LIMCH1: variants seen among roughly 807,000 people sequenced by gnomAD.
The protein encoded by LIMCH1 is LIM and calponin homology domains 1, also known as LIM and calponin homology domains-containing protein 1.
In LIMCH1, 113 loss-of-function variants were observed where a neutral mutation model predicts 176.5. The ratio of observed to expected loss-of-function variants is 0.64; its 90% CI spans 0.55 to 0.75. The LOEUF (loss-of-function observed/expected upper bound fraction) is 0.75. Among genes scored for constraint, LIMCH1 ranks in the 30% least tolerant of loss-of-function variants. The pLI is 0.00. For synonymous variants in LIMCH1, 619 were observed against 645.9 expected (o/e 0.96, Z 0.63); for missense variants, 1,674 against 1,814.9 (o/e 0.92, Z 1.41).
chr4:41,432,559 A>G (rs556067751), intron 1 of LIMCH1, among the ~76,000 whole-genome samples: 2 of 152,298 alleles, frequency 1.3e-5, no homozygotes, highest in Non-Finnish European at 2.9e-5. Context: ...CTTTCTCAAT[A>G]AATTGTCCTA....
chr4:41,657,121 G>T (rs1376390711), intron 18 of LIMCH1, among the ~76,000 whole-genome samples: 5 of 152,196 alleles, frequency 3.3e-5, no homozygotes, highest in Non-Finnish European at 7.3e-5. Flanking sequence ...CTCAGTTAAG[G>T]GGAAGCCAGC....
chr4:41,676,265 T>A (rs1463000165), intron 22 of LIMCH1, 117 bp from the exon 23 acceptor site: 1 of 678,406 alleles, frequency 1.5e-6, no homozygotes, highest in Non-Finnish European at 2.6e-6. Context: ...ATATGAAGCC[T>A]TCTGCTCCTG....
At chr4:41,487,233 G>A (rs527648611) in intron 1 of LIMCH1, among the ~76,000 whole-genome samples, 1 of 152,216 alleles carries the variant, frequency 6.6e-6, no homozygotes, top group Admixed American at 6.5e-5. Context: ...ATTTTCAGTG[G>A]CTTGGTCCTT....
intron 1 of LIMCH1, among the ~76,000 whole-genome samples, chr4:41,382,936 G>A (rs1018674657): frequency 1.3e-5 from 2 of 152,108 alleles, no homozygotes; most frequent in African/African-American, 4.8e-5. Flanking sequence ...GACTACAGGT[G>A]CATGCCAGCA....
intron 1 of LIMCH1, among the ~76,000 whole-genome samples, chr4:41,423,532 C>T (rs891743384): frequency 1.3e-5 from 2 of 150,928 alleles, no homozygotes; most frequent in Admixed American, 1.3e-4. Flanking sequence ...AGGTGAGAAG[C>T]TATGGTGGTG....
At chr4:41,503,630 C>T (rs1184290833) in intron 2 of LIMCH1, among the ~76,000 whole-genome samples, 3 of 152,120 alleles carry the variant, frequency 2.0e-5, no homozygotes, top group Non-Finnish European at 4.4e-5. Flanking sequence ...CGTTTTCAGA[C>T]CTGTCCTGTC....
intron 20 of LIMCH1, among the ~76,000 whole-genome samples, chr4:41,665,199 C>T (rs940594372): frequency 1.3e-5 from 2 of 152,134 alleles, no homozygotes; most frequent in African/African-American, 4.8e-5. Context: ...CTTTATAAAG[C>T]AAAGCACCCA....
At chr4:41,659,890 A>G (rs1216010006) in intron 18 of LIMCH1, among the ~76,000 whole-genome samples, 2 of 152,234 alleles carry the variant, frequency 1.3e-5, no homozygotes, top group Admixed American at 6.5e-5. Context: ...TCTAGAGTCA[A>G]TTGGCTCCCA....
At position 41,631,180 on chromosome 4, in the gene LIMCH1, A is replaced by C; in HGVS notation, c.1304A>C (p.Glu435Ala). The change falls in exon 10 of 32, where the codon GAG becomes GCG. Residue 435 changes from glutamate (E) to alanine (A), a missense_variant. Glu to Ala is a moderately radical substitution (Grantham distance 107). This residue lies in a region of LIMCH1 where 655 missense variants were observed against 692.2 expected (regional missense o/e 0.95). Coordinates refer to ENST00000503057, the MANE Select transcript of LIMCH1 (RefSeq NM_001330672.2). ...DGDVQHICASEPSPEIKAETA... is the reference protein window; with the variant it reads ...DGDVQHICASAPSPEIKAETA... ...GATGTTCAGCACATCTGTGCTTCTG[A>C]GCCTTCCCCAGAAATTAAAGCAGAA... The C allele has an allele frequency of 6.5e-7, 1 of 1,535,156 alleles. No individual in the cohort carries two copies. Among genetic ancestry groups the C allele is most frequent in the Non-Finnish European group, 8.7e-7 (1 of 1,146,654 alleles).
chr4:41,405,195 CTT>C (rs1272201036), intron 1 of LIMCH1, among the ~76,000 whole-genome samples: 1 of 152,066 alleles, frequency 6.6e-6, no homozygotes, highest in African/African-American at 2.4e-5. Context: ...TTGGTTATAT[CTT>C]TTTCAATATT....
chr4:41,542,268 G>A (rs1240154098), intron 1 of LIMCH1, among the ~76,000 whole-genome samples: 3 of 151,958 alleles, frequency 2.0e-5, no homozygotes, highest in Non-Finnish European at 2.9e-5. Context: ...TCAGTGTATT[G>A]ATTTTATTTA....
At chr4:41,540,530 G>A (rs888540534) in intron 1 of LIMCH1, among the ~76,000 whole-genome samples, 1 of 152,190 alleles carries the variant, frequency 6.6e-6, no homozygotes, top group Non-Finnish European at 1.5e-5. Flanking sequence ...CCTGAGATCA[G>A]GCGTTCGAGA....
chr4:41,365,056 G>A (rs2052764526), intron 1 of LIMCH1, among the ~76,000 whole-genome samples: 1 of 152,200 alleles, frequency 6.6e-6, no homozygotes, highest in Non-Finnish European at 1.5e-5. Context: ...ACTTTCTGAA[G>A]AAACAGATGT....
chr4:41,496,372 C>A (rs2072140541), intron 2 of LIMCH1, among the ~76,000 whole-genome samples: 1 of 152,142 alleles, frequency 6.6e-6, no homozygotes, highest in South Asian at 2.1e-4. Context: ...CTCTCGTTTC[C>A]CCAGTGGGAC....
Position 41,699,912 on chromosome 4 carries a change from T to C in LIMCH1, c.*2727T>C, listed in dbSNP as rs1045802427. On this transcript the variant is annotated 3_prime_UTR_variant, in exon 32 of 32. Transcript: ENST00000503057. ...GGGTGGGCCAGTGTTCTATATCGGT[T>C]ATACTAACTTTCATTTAAAGTATTT... 11 of 152,228 alleles carry C rather than the reference T, an allele frequency of 7.2e-5. No individual in the cohort carries two copies. Among genetic ancestry groups the C allele is most frequent in the African/African-American group, 2.7e-4 (11 of 41,460 alleles). 9.4% of individuals were successfully genotyped at this position (152,228 alleles called of 1,614,324 possible).
intron 1 of LIMCH1, among the ~76,000 whole-genome samples, chr4:41,423,846 G>A (rs537625783): frequency 3.9e-5 from 6 of 152,132 alleles, no homozygotes; most frequent in African/African-American, 1.4e-4. Context: ...GGGAAAGATT[G>A]GAGTGGCTTG....
chr4:41,607,986 G>C (rs2090951973), intron 4 of LIMCH1, among the ~76,000 whole-genome samples: 1 of 152,202 alleles, frequency 6.6e-6, no homozygotes, highest in Non-Finnish European at 1.5e-5. Flanking sequence ...ATCGGGTTCA[G>C]CTGGGAAACA....
intron 1 of LIMCH1, among the ~76,000 whole-genome samples, chr4:41,557,718 T>C (rs2081469039): frequency 6.6e-6 from 1 of 152,116 alleles, no homozygotes; most frequent in South Asian, 2.1e-4. Flanking sequence ...CTCCCGACAC[T>C]GCATGGAAGG....
intron 4 of LIMCH1, chr4:41,612,905 G>C: frequency 7.0e-7 from 1 of 1,429,490 alleles, no homozygotes; most frequent in Non-Finnish European, 9.1e-7. Context: ...CCCTTTCAGA[G>C]CAGGAATTTC....
Sources: allele counts gnomAD v4.1 joint callset (sites outside exome capture counted in the v4.1 genomes callset), GRCh38; gene constraint gnomAD v4.1.1; regional missense constraint gnomAD v4.1.1; transcripts MANE v1.5; gene names NCBI Gene and HGNC (gene_info 2026-07-23, HGNC 2026-07-21).